The following PPP1R12B variants were observed in gnomAD, a reference collection of about 807,000 sequenced individuals.
PPP1R12B encodes protein phosphatase 1 regulatory subunit 12B, also known as myosin phosphatase target subunit 2.
Under a neutral mutation model 126.1 loss-of-function variants are expected in PPP1R12B, and 76 were observed. The observed-to-expected ratio is 0.60, with a 90% CI of 0.50 to 0.73. The LOEUF (loss-of-function observed/expected upper bound fraction) is 0.73, where lower values mean the gene tolerates loss of function less well. Among genes scored for constraint, PPP1R12B ranks in the 30% least tolerant of loss-of-function variants. PPP1R12B has a pLI of 0.00. For synonymous variants in PPP1R12B, 356 were observed against 434.7 expected (o/e 0.82, Z 2.25); for missense variants, 1,052 against 1,205.1 (o/e 0.87, Z 1.88).
intron 1 of PPP1R12B, among the ~76,000 whole-genome samples, chr1:202,409,215 T>C (rs1226118960): frequency 6.6e-6 from 1 of 152,168 alleles, no homozygotes; most frequent in African/African-American, 2.4e-5. Flanking sequence ...AAAATAGAAA[T>C]GGTAATTCTA....
At chr1:202,385,990 G>C (rs1311401568) in intron 1 of PPP1R12B, among the ~76,000 whole-genome samples, 2 of 151,380 alleles carry the variant, frequency 1.3e-5, no homozygotes, top group Non-Finnish European at 2.9e-5. Flanking sequence ...CTGGAGTGCA[G>C]TGGCACGATC....
intron 13 of PPP1R12B, among the ~76,000 whole-genome samples, chr1:202,470,031 C>T (rs1483728732): frequency 6.6e-6 from 1 of 152,174 alleles, no homozygotes; most frequent in Non-Finnish European, 1.5e-5. Flanking sequence ...CCCAGATACC[C>T]CCTTTTTCCC....
At chr1:202,397,393 T>C (rs1167215305) in intron 1 of PPP1R12B, among the ~76,000 whole-genome samples, 2 of 152,238 alleles carry the variant, frequency 1.3e-5, no homozygotes, top group African/African-American at 4.8e-5. Context: ...CATCCTTTCC[T>C]ACATGGTTTT....
chr1:202,556,554 ATG>A (rs1686962171), intron 18 of PPP1R12B, among the ~76,000 whole-genome samples: 1 of 152,098 alleles, frequency 6.6e-6, no homozygotes, highest in Admixed American at 6.5e-5. Flanking sequence ...AGAAAAAAAA[ATG>A]TGTGTTTGTG....
Position 202,537,354 on chromosome 1 carries a change from A to C in PPP1R12B, c.2491-21523A>C, listed in dbSNP as rs555793409. Among the ~76,000 whole-genome samples, 9 of 143,710 alleles carry C rather than the reference A, an allele frequency of 6.3e-5. No homozygotes were observed. In the East Asian group the frequency reaches 1.8e-3, roughly 29 times the overall value. 94.3% of individuals were successfully genotyped at this position (143,710 alleles called of 152,430 possible). The stretch of plus-strand genomic sequence containing the variant: ...GGGCGACAGACTGAGACTCCGTCTC[A>C]AAAAAAAAAAAAAGAAAAAGTAAAT... On this transcript the variant is annotated intron_variant, in intron 18 of 23. Coordinates refer to ENST00000608999, the MANE Select transcript of PPP1R12B (RefSeq NM_002481.4).
intron 23 of PPP1R12B, chr1:202,575,411 T>C: frequency 2.5e-6 from 1 of 395,214 alleles, no homozygotes; most frequent in Non-Finnish European, 4.6e-6. Flanking sequence ...TCTCTTCCCC[T>C]GGAGACTGAG....
At chr1:202,546,859 G>C (rs1371655006) in intron 18 of PPP1R12B, among the ~76,000 whole-genome samples, 1 of 152,182 alleles carries the variant, frequency 6.6e-6, no homozygotes, top group Non-Finnish European at 1.5e-5. Flanking sequence ...GAAGGGCTGA[G>C]AGTAAACCTC....
chr1:202,457,942 G>GA (rs567321103), intron 13 of PPP1R12B, among the ~76,000 whole-genome samples: 70 of 142,898 alleles, frequency 4.9e-4, no homozygotes, highest in African/African-American at 1.0e-3. Flanking sequence ...TTAGATGAAG[G>GA]AAAAAAAAAA....
chr1:202,352,028 T>G (rs1656115448), intron 1 of PPP1R12B, among the ~76,000 whole-genome samples: 1 of 152,190 alleles, frequency 6.6e-6, no homozygotes, highest in African/African-American at 2.4e-5. Context: ...TTAGACCAAC[T>G]CTGATGAAAG....
chr1:202,401,117 A>G (rs1284077992), intron 1 of PPP1R12B, among the ~76,000 whole-genome samples: 1 of 152,194 alleles, frequency 6.6e-6, no homozygotes, highest in Non-Finnish European at 1.5e-5. Flanking sequence ...CTTTTACATT[A>G]TAATGACAGA....
intron 21 of PPP1R12B, 21 bp from the exon 22 acceptor site, chr1:202,567,757 T>G: frequency 6.2e-7 from 1 of 1,613,510 alleles, no homozygotes. Context: ...ATAACAACTG[T>G]TTTCCTTCCA....
In PPP1R12B at chr1:202,483,278, C is replaced by CTTT. The variant is rs71281161; in HGVS notation, c.1851-5238_1851-5236dup. 4.7e-3 allele frequency among the ~76,000 whole-genome samples: 559 copies of CTTT among 118,460 alleles called. 13 individuals are homozygous for CTTT. Among genetic ancestry groups the CTTT allele is most frequent in the East Asian group, 0.012 (48 of 3,916 alleles). The allele number at this position is 118,460 out of a possible 152,430, so 77.7% of individuals were successfully genotyped here. ...TTTGTTTTATTTCTATGAAGAACAC[C>CTTT]TTTTTTTTTTTTTTTTTTTGACATG... On this transcript the variant is annotated intron_variant, in intron 13 of 23. Transcript: ENST00000608999.
intron 13 of PPP1R12B, among the ~76,000 whole-genome samples, chr1:202,477,671 G>T (rs1026903059): frequency 6.6e-6 from 1 of 152,148 alleles, no homozygotes; most frequent in African/African-American, 2.4e-5. Context: ...CTGGGCTCAA[G>T]CAATTCTCCC....
intron 18 of PPP1R12B, among the ~76,000 whole-genome samples, chr1:202,556,534 CTT>C (rs1307680123): frequency 6.6e-6 from 1 of 152,006 alleles, no homozygotes; most frequent in Non-Finnish European, 1.5e-5. Flanking sequence ...TCTTCTGGAT[CTT>C]TGTTATCAGA....
At position 202,422,998 on chromosome 1, in the gene PPP1R12B, G is replaced by T. The variant is rs148842473; in HGVS notation, c.541+260G>T. The stretch of plus-strand genomic sequence containing the variant: ...GCATACCCATCATACAATTAAGAGT[G>T]ACCTGATGAGGACTGTGTGTATGCA... On this transcript the variant is annotated intron_variant, in intron 3 of 23. Transcript: ENST00000608999. Among the ~76,000 whole-genome samples, 296 of 152,270 alleles carry T rather than the reference G, an allele frequency of 1.9e-3. 2 individuals carry two copies. The highest frequency in any genetic ancestry group is 6.8e-3 in the African/African-American group (283 of 41,552).
intron 18 of PPP1R12B, chr1:202,502,783 G>C (rs1680372615): frequency 6.6e-6 from 1 of 152,390 alleles, no homozygotes; most frequent in Admixed American, 6.5e-5. Context: ...TTTAAGCCTA[G>C]TCTTAAAGGA....
intron 18 of PPP1R12B, among the ~76,000 whole-genome samples, chr1:202,540,795 T>C (rs1309679890): frequency 6.6e-6 from 1 of 152,220 alleles, no homozygotes; most frequent in Admixed American, 6.5e-5. Context: ...CAAGGAGTTA[T>C]GGCCACTTGG....
chr1:202,579,820 G>A (rs1179375628), intron 23 of PPP1R12B, among the ~76,000 whole-genome samples: 1 of 152,154 alleles, frequency 6.6e-6, no homozygotes, highest in African/African-American at 2.4e-5. Flanking sequence ...TACATGCCTA[G>A]TGTTCACTGT....
chr1:202,524,835 T>A (rs1441954778), intron 18 of PPP1R12B, among the ~76,000 whole-genome samples: 3 of 152,168 alleles, frequency 2.0e-5, no homozygotes, highest in Admixed American at 1.3e-4. Context: ...TAAACATGCA[T>A]GTGCAAGTAT....
Sources: allele counts gnomAD v4.1 joint callset (sites outside exome capture counted in the v4.1 genomes callset), GRCh38; gene constraint gnomAD v4.1.1; transcripts MANE v1.5; gene names NCBI Gene and HGNC (gene_info 2026-07-23, HGNC 2026-07-21).